KHDRBS2: variants seen among roughly 807,000 people sequenced by gnomAD.
The protein encoded by KHDRBS2 is KH RNA binding domain containing, signal transduction associated 2, also known as KH domain-containing, RNA-binding, signal transduction-associated protein 2.
A neutral mutation model predicts 44.3 loss-of-function variants in KHDRBS2; 26 were observed. The ratio of observed to expected loss-of-function variants is 0.59; its 90% CI spans 0.43 to 0.81. KHDRBS2 has a LOEUF of 0.81. Among genes scored for constraint, KHDRBS2 ranks in the 40% least tolerant of loss-of-function variants. The pLI, the probability that KHDRBS2 is intolerant of heterozygous loss-of-function variation, is 0.00. For synonymous variants in KHDRBS2, 194 were observed against 151.1 expected (o/e 1.28, Z -2.08); for missense variants, 476 against 433.1 (o/e 1.10, Z -0.88).
chr6:62,045,428 C>G (rs958446648), intron 3 of KHDRBS2, among the ~76,000 whole-genome samples: 6 of 152,026 alleles, frequency 3.9e-5, no homozygotes, highest in Non-Finnish European at 4.4e-5. Context: ...TACTTGATCA[C>G]TGTATCAAAA....
chr6:61,600,019 T>C, the KHDRBS2 span, among the ~76,000 whole-genome samples: 1 of 152,334 alleles, frequency 6.6e-6, no homozygotes, highest in South Asian at 2.1e-4. Context: ...ATCAAAAAAT[T>C]ACATGACAGT....
intron 3 of KHDRBS2, among the ~76,000 whole-genome samples, chr6:61,979,711 A>C (rs1180873398): frequency 6.6e-6 from 1 of 152,138 alleles, no homozygotes; most frequent in Non-Finnish European, 1.5e-5. Context: ...CTTAGTGCCC[A>C]ATTATCAGTT....
intron 7 of KHDRBS2, among the ~76,000 whole-genome samples, chr6:61,716,438 T>C (rs961203031): frequency 2.0e-5 from 3 of 151,942 alleles, no homozygotes; most frequent in South Asian, 2.1e-4. Context: ...ATAGTAAAAA[T>C]GGTTGTTCTA....
intron 1 of KHDRBS2, among the ~76,000 whole-genome samples, chr6:62,281,881 T>G (rs1269735277): frequency 6.6e-6 from 1 of 152,162 alleles, no homozygotes; most frequent in African/African-American, 2.4e-5. Flanking sequence ...AAGTAGAAAT[T>G]TTCCACTATA....
chr6:62,215,791 T>C lies in KHDRBS2; in HGVS notation c.92-38479A>G, dbSNP rs529251420. ...TAGATTTTCAGAATCATAGGTTTTATAATCATGAGGACTTATGTTGAAGAA... is the reference window on the plus strand; with the variant it reads ...TAGATTTTCAGAATCATAGGTTTTACAATCATGAGGACTTATGTTGAAGAA... On this transcript the variant is annotated intron_variant, in intron 1 of 8. Coordinates refer to ENST00000281156, the MANE Select transcript of KHDRBS2 (RefSeq NM_152688.4). Among the ~76,000 whole-genome samples, 31 of 151,746 alleles carry C rather than the reference T, an allele frequency of 2.0e-4. 2 individuals are homozygous for C. The highest frequency in any genetic ancestry group is 3.8e-4 in the Non-Finnish European group (26 of 67,816).
intron 3 of KHDRBS2, among the ~76,000 whole-genome samples, chr6:61,983,553 T>G (rs374080245): frequency 2.6e-5 from 4 of 151,948 alleles, no homozygotes; most frequent in East Asian, 3.9e-4. Flanking sequence ...TCACCAAAAT[T>G]TATAGGTACT....
At chr6:61,552,879 G>A in the KHDRBS2 span, among the ~76,000 whole-genome samples, 26 of 152,208 alleles carry the variant, frequency 1.7e-4, no homozygotes. Context: ...GCTTTTTGAT[G>A]TGCTGCTCAA....
chr6:62,006,424 A>C (rs1327623538), intron 3 of KHDRBS2, among the ~76,000 whole-genome samples: 1 of 152,096 alleles, frequency 6.6e-6, no homozygotes, highest in East Asian at 1.9e-4. Flanking sequence ...AAGTATTTCA[A>C]GAAGGAATAA....
At chr6:61,882,735 A>G (rs1396173481) in intron 6 of KHDRBS2, among the ~76,000 whole-genome samples, 1 of 152,054 alleles carries the variant, frequency 6.6e-6, no homozygotes, top group African/African-American at 2.4e-5. Flanking sequence ...AGGATTTAGC[A>G]GCCTCTATTT....
At chr6:61,864,823 G>A (rs1295899136) in intron 6 of KHDRBS2, among the ~76,000 whole-genome samples, 1 of 152,092 alleles carries the variant, frequency 6.6e-6, no homozygotes, top group African/African-American at 2.4e-5. Context: ...AGCCAGTTTG[G>A]GAAAGTTCTT....
chr6:61,943,993 A>G (rs1049557002), intron 4 of KHDRBS2, among the ~76,000 whole-genome samples: 3 of 152,156 alleles, frequency 2.0e-5, no homozygotes, highest in African/African-American at 7.2e-5. Flanking sequence ...TATTATGAAA[A>G]AGACAAAAAA....
At chr6:61,638,846 T>G in the KHDRBS2 span, among the ~76,000 whole-genome samples, 5 of 152,120 alleles carry the variant, frequency 3.3e-5, no homozygotes, top group African/African-American at 1.2e-4. Flanking sequence ...GTATCTATCT[T>G]TAATAGAGTT....
At chr6:62,206,112 G>A (rs1827919957) in intron 1 of KHDRBS2, among the ~76,000 whole-genome samples, 1 of 152,060 alleles carries the variant, frequency 6.6e-6, no homozygotes, top group Non-Finnish European at 1.5e-5. Flanking sequence ...ATACTTGTTG[G>A]AGACTGAAGA....
intron 2 of KHDRBS2, among the ~76,000 whole-genome samples, chr6:62,159,106 T>G (rs1031082757): frequency 6.6e-6 from 1 of 152,146 alleles, no homozygotes; most frequent in African/African-American, 2.4e-5. Flanking sequence ...ATGGAGGATG[T>G]GTAGGCTCAT....
chr6:62,231,983 T>C (rs950236092), intron 1 of KHDRBS2, among the ~76,000 whole-genome samples: 1 of 152,220 alleles, frequency 6.6e-6, no homozygotes, highest in African/African-American at 2.4e-5. Context: ...CAGGGTTTCC[T>C]GGTTTAATAT....
chr6:62,145,604 T>C (rs1390344055), intron 2 of KHDRBS2, among the ~76,000 whole-genome samples: 3 of 151,816 alleles, frequency 2.0e-5, no homozygotes, highest in African/African-American at 7.2e-5. Flanking sequence ...TGTTTAGGAG[T>C]TGGAGTTCAC....
At chr6:61,666,750 C>G in the KHDRBS2 span, among the ~76,000 whole-genome samples, 1 of 151,326 alleles carries the variant, frequency 6.6e-6, no homozygotes, top group Non-Finnish European at 1.5e-5. Flanking sequence ...ACTAAACTCT[C>G]TAATTATTTG....
chr6:62,216,007 C>T (rs1263275179), intron 1 of KHDRBS2, among the ~76,000 whole-genome samples: 1 of 151,534 alleles, frequency 6.6e-6, no homozygotes. Flanking sequence ...AGAAATATTT[C>T]TCATAATATA....
At chr6:61,740,878 G>C (rs913096419) in intron 6 of KHDRBS2, among the ~76,000 whole-genome samples, 1 of 151,858 alleles carries the variant, frequency 6.6e-6, no homozygotes, top group African/African-American at 2.4e-5. Flanking sequence ...TTGAGCTAGA[G>C]ATATGGCTCT....
Sources: gnomAD v4.1 joint callset for allele counts (sites outside exome capture counted in the v4.1 genomes callset) on GRCh38, gnomAD v4.1.1 for gene constraint, MANE v1.5 for transcripts, NCBI Gene and HGNC (gene_info 2026-07-23, HGNC 2026-07-21) for gene names.